Variants in SLC8A1 observed in about 807,000 individuals in gnomAD.
SLC8A1 encodes the protein solute carrier family 8 member A1.
A neutral mutation model predicts 68.3 loss-of-function variants in SLC8A1; 18 were observed. That is an observed-to-expected ratio of 0.26 (90% CI 0.18 to 0.39). The LOEUF is 0.39. Among genes scored for constraint, SLC8A1 ranks in the 10% least tolerant of loss-of-function variants. The probability of loss-of-function intolerance (pLI) is 1.00; values close to 1 mark genes in which losing one functional copy is unlikely to be tolerated. For synonymous variants in SLC8A1, 475 were observed against 415.5 expected (o/e 1.14, Z -1.74); for missense variants, 985 against 1,156.7 (o/e 0.85, Z 2.15).
chr2:40,253,626 G>A (rs1485023234), intron 2 of SLC8A1, among the ~76,000 whole-genome samples: 1 of 151,798 alleles, frequency 6.6e-6, no homozygotes, highest in African/African-American at 2.4e-5. Context: ...AGGAGTTCGA[G>A]GCCAGCCTGA....
At chr2:40,427,226 C>A (rs1697109516) in intron 2 of SLC8A1, among the ~76,000 whole-genome samples, 1 of 151,994 alleles carries the variant, frequency 6.6e-6, no homozygotes, top group Non-Finnish European at 1.5e-5. Flanking sequence ...CACTGGAAGG[C>A]TCTCTCAGGA....
At chr2:40,460,310 G>GC (rs1703266686) in intron 1 of SLC8A1, among the ~76,000 whole-genome samples, 1 of 152,164 alleles carries the variant, frequency 6.6e-6, no homozygotes, top group South Asian at 2.1e-4. Context: ...ACAGCAAAGT[G>GC]CATACTTCAC....
chr2:40,215,748 A>G (rs1288441022), intron 2 of SLC8A1, among the ~76,000 whole-genome samples: 2 of 151,596 alleles, frequency 1.3e-5, no homozygotes, highest in Admixed American at 6.6e-5. Context: ...CTCCTGTATC[A>G]ATGTAGTGTT....
intron 2 of SLC8A1, among the ~76,000 whole-genome samples, chr2:40,378,709 T>C (rs887970401): frequency 2.6e-5 from 4 of 151,968 alleles, no homozygotes; most frequent in African/African-American, 7.2e-5. Context: ...TGGAGAGAAG[T>C]AGAGGTCAGA....
intron 2 of SLC8A1, chr2:40,254,907 C>G (rs927340214): frequency 2.0e-5 from 3 of 152,018 alleles, no homozygotes; most frequent in African/African-American, 2.4e-5. Flanking sequence ...GGCTGATGTG[C>G]AAGGCACTAT....
chr2:40,124,635 C>T (rs1194912983), intron 7 of SLC8A1, among the ~76,000 whole-genome samples: 1 of 152,018 alleles, frequency 6.6e-6, no homozygotes, highest in African/African-American at 2.4e-5. Flanking sequence ...AGTCTACTAA[C>T]TATTTGGCCC....
Position 40,311,948 on chromosome 2 carries a change from G to C in SLC8A1, c.1808+116525C>G, listed in dbSNP as rs533111189. On this transcript the variant is annotated intron_variant, in intron 2 of 7. Coordinates refer to ENST00000406785, the Ensembl canonical transcript of SLC8A1. ...CAGTACAAAGAGGCACTTGTGAAAG[G>C]AAACAAATGTTTGGGGACTTGACCT... Among the ~76,000 whole-genome samples, 12 of 152,164 alleles carry C rather than the reference G, an allele frequency of 7.9e-5. No individual in the cohort carries two copies. In the South Asian group the frequency reaches 2.5e-3, roughly 32 times the overall value.
At chr2:40,222,922 A>G (rs541935532) in intron 2 of SLC8A1, among the ~76,000 whole-genome samples, 22 of 152,318 alleles carry the variant, frequency 1.4e-4, no homozygotes, top group African/African-American at 5.3e-4. Flanking sequence ...TTTTGTTGGG[A>G]GTATAAATTA....
chr2:40,222,355 T>C (rs1641452), intron 2 of SLC8A1, among the ~76,000 whole-genome samples: 21,940 of 152,026 alleles, frequency 0.14, 1,927 homozygotes, highest in African/African-American at 0.23. Flanking sequence ...CACTTCCTTA[T>C]ACCTTATACA....
chr2:40,461,182 G>A (rs950324732), intron 1 of SLC8A1, among the ~76,000 whole-genome samples: 8 of 152,094 alleles, frequency 5.3e-5, no homozygotes, highest in South Asian at 2.1e-4. Context: ...CTATAAAGTC[G>A]ATACTATTAT....
chr2:40,359,648 T>G (rs767980943), intron 2 of SLC8A1, among the ~76,000 whole-genome samples: 1 of 152,026 alleles, frequency 6.6e-6, no homozygotes, highest in Non-Finnish European at 1.5e-5. Context: ...AAGAAACACA[T>G]CAACAGGCTC....
At chr2:40,359,871 T>C (rs1674031268) in intron 2 of SLC8A1, among the ~76,000 whole-genome samples, 1 of 150,628 alleles carries the variant, frequency 6.6e-6, no homozygotes, top group South Asian at 2.1e-4. Context: ...TCATTAAAAA[T>C]CAACATCTCA....
At chr2:40,208,344 C>T (rs1385628371) in intron 2 of SLC8A1, 1 of 152,136 alleles carries the variant, frequency 6.6e-6, no homozygotes, top group Non-Finnish European at 1.5e-5. Context: ...CAGATATACA[C>T]ATGACAGATA....
intron 2 of SLC8A1, among the ~76,000 whole-genome samples, chr2:40,234,065 C>T (rs547037406): frequency 3.2e-4 from 49 of 152,070 alleles, no homozygotes; most frequent in Admixed American, 2.5e-3. Context: ...TGGCTTAGGA[C>T]TGACTTGGTG....
chr2:40,301,040 G>A (rs2071363698), intron 2 of SLC8A1, among the ~76,000 whole-genome samples: 1 of 152,064 alleles, frequency 6.6e-6, no homozygotes, highest in Admixed American at 6.6e-5. Flanking sequence ...TGGATATAGA[G>A]GAAGAAAAAC....
chr2:40,207,497 A>T (rs2055681830), intron 2 of SLC8A1, among the ~76,000 whole-genome samples: 1 of 151,292 alleles, frequency 6.6e-6, no homozygotes, highest in Non-Finnish European at 1.5e-5. Flanking sequence ...ACAGTTTCAT[A>T]AAAAAAAAGT....
At chr2:40,185,384 C>T (rs113332069) in intron 2 of SLC8A1, among the ~76,000 whole-genome samples, 4 of 152,120 alleles carry the variant, frequency 2.6e-5, no homozygotes, top group African/African-American at 4.8e-5. Context: ...GTGGTGTATC[C>T]ACACAGGGGA....
intron 2 of SLC8A1, among the ~76,000 whole-genome samples, chr2:40,191,857 T>G (rs375790617): frequency 5.9e-5 from 9 of 152,184 alleles, no homozygotes; most frequent in African/African-American, 1.9e-4. Flanking sequence ...CCAGACATAA[T>G]CTTATAGGGA....
intron 2 of SLC8A1, among the ~76,000 whole-genome samples, chr2:40,241,576 G>A (rs1301745087): frequency 6.6e-6 from 1 of 152,164 alleles, no homozygotes. Flanking sequence ...GTCCCCCTTT[G>A]ACCTCTTCTT....
Sources: allele counts gnomAD v4.1 joint callset (sites outside exome capture counted in the v4.1 genomes callset), GRCh38; gene constraint gnomAD v4.1.1; transcripts MANE v1.5; gene names NCBI Gene and HGNC (gene_info 2026-07-23, HGNC 2026-07-21).